TENM3: variants seen among roughly 807,000 people sequenced by gnomAD.
TENM3 encodes the protein teneurin transmembrane protein 3.
A neutral mutation model predicts 255.1 loss-of-function variants in TENM3; 63 were observed. The observed-to-expected ratio is 0.25, with a 90% CI of 0.20 to 0.30. The LOEUF is 0.30. Ranked by LOEUF, TENM3 falls within the 10% of genes least tolerant of loss-of-function variation. TENM3 has a pLI of 1.00. For synonymous variants in TENM3, 1,306 were observed against 1,322.3 expected (o/e 0.99, Z 0.27); for missense variants, 2,929 against 3,461.1 (o/e 0.85, Z 3.86).
At chr4:182,798,629 A>G (rs1205646447) in intron 27 of TENM3, among the ~76,000 whole-genome samples, 1 of 152,242 alleles carries the variant, frequency 6.6e-6, no homozygotes. Context: ...GCATTTGAAC[A>G]TGCACTTCCT....
intron 3 of TENM3, among the ~76,000 whole-genome samples, chr4:182,478,450 GT>G (rs571078952): frequency 1.3e-4 from 19 of 148,478 alleles, no homozygotes; most frequent in African/African-American, 2.7e-4. Flanking sequence ...CATATGTAGA[GT>G]TTTTTTTTTA....
the TENM3 span, among the ~76,000 whole-genome samples, chr4:181,644,075 C>CA: frequency 0.21 from 12,364 of 57,922 alleles, 1,033 homozygotes; most frequent in East Asian, 0.33. Flanking sequence ...GACTCCATCT[C>CA]AAAAAAAAAA....
chr4:181,618,822 A>C, the TENM3 span, among the ~76,000 whole-genome samples: 1 of 152,214 alleles, frequency 6.6e-6, no homozygotes, highest in African/African-American at 2.4e-5. Flanking sequence ...TCTGGAAAAT[A>C]GGGAGAAAAG....
At chr4:182,012,230 ATAGT>A in the TENM3 span, among the ~76,000 whole-genome samples, 1 of 152,174 alleles carries the variant, frequency 6.6e-6, no homozygotes, top group Non-Finnish European at 1.5e-5. Context: ...TCATCATTAG[ATAGT>A]TAGAACAATC....
the TENM3 span, among the ~76,000 whole-genome samples, chr4:181,800,736 A>C: frequency 6.6e-6 from 1 of 152,216 alleles, no homozygotes; most frequent in Non-Finnish European, 1.5e-5. Flanking sequence ...TGTAAAATGG[A>C]AATAATGGTA....
chr4:181,566,263 C>G, the TENM3 span, among the ~76,000 whole-genome samples: 1 of 152,146 alleles, frequency 6.6e-6, no homozygotes, highest in African/African-American at 2.4e-5. Context: ...AGAACACTTA[C>G]TAATATGCAA....
At chr4:182,522,152 G>A (rs1160143136) in intron 3 of TENM3, among the ~76,000 whole-genome samples, 2 of 152,148 alleles carry the variant, frequency 1.3e-5, no homozygotes, top group Non-Finnish European at 2.9e-5. Context: ...GGGATATCCA[G>A]CACCTTAAAC....
the TENM3 span, among the ~76,000 whole-genome samples, chr4:181,757,989 C>T: frequency 1.3e-5 from 2 of 152,124 alleles, no homozygotes; most frequent in African/African-American, 4.8e-5. Flanking sequence ...CCAGTGACAT[C>T]TCCCCTTCTC....
chr4:181,485,659 C>T, the TENM3 span, among the ~76,000 whole-genome samples: 4 of 152,048 alleles, frequency 2.6e-5, no homozygotes, highest in African/African-American at 7.2e-5. Flanking sequence ...ACATCATTAA[C>T]GTATGAAATT....
At chr4:182,375,358 G>A (rs185515927) in intron 3 of TENM3, among the ~76,000 whole-genome samples, 4 of 152,088 alleles carry the variant, frequency 2.6e-5, no homozygotes, top group African/African-American at 4.8e-5. Flanking sequence ...TTTCAACAGC[G>A]GAATGAACGA....
At chr4:182,122,574 G>A in the TENM3 span, among the ~76,000 whole-genome samples, 15 of 152,130 alleles carry the variant, frequency 9.9e-5, no homozygotes, top group Admixed American at 9.2e-4. Flanking sequence ...TGAGCAGTAG[G>A]TCTCAACGGT....
the TENM3 span, among the ~76,000 whole-genome samples, chr4:182,023,007 T>G: frequency 6.6e-6 from 1 of 152,220 alleles, no homozygotes; most frequent in African/African-American, 2.4e-5. Flanking sequence ...TCCACAGTGC[T>G]GTCAGCAGCA....
At chr4:181,621,190 C>T in the TENM3 span, among the ~76,000 whole-genome samples, 1 of 152,116 alleles carries the variant, frequency 6.6e-6, no homozygotes, top group African/African-American at 2.4e-5. Flanking sequence ...ACAAAAGACT[C>T]AAGAGTCCTT....
the TENM3 span, among the ~76,000 whole-genome samples, chr4:181,754,964 A>G: frequency 6.6e-6 from 1 of 152,110 alleles, no homozygotes; most frequent in Non-Finnish European, 1.5e-5. Context: ...GTGTTTTGTT[A>G]GATTTTGGAA....
At chr4:182,724,998 A>G (rs1165233148) in intron 13 of TENM3, among the ~76,000 whole-genome samples, 1 of 151,956 alleles carries the variant, frequency 6.6e-6, no homozygotes, top group Non-Finnish European at 1.5e-5. Context: ...ACATATAACT[A>G]TGAATTGGGA....
the TENM3 span, among the ~76,000 whole-genome samples, chr4:181,628,526 G>T: frequency 6.6e-6 from 1 of 152,146 alleles, no homozygotes; most frequent in Non-Finnish European, 1.5e-5. Flanking sequence ...TGTAAGGAAG[G>T]GATCCAGTTT....
the TENM3 span, among the ~76,000 whole-genome samples, chr4:181,618,629 A>C: frequency 6.6e-6 from 1 of 152,196 alleles, no homozygotes; most frequent in Admixed American, 6.5e-5. Context: ...TCATCCTACG[A>C]ATATTTTCAT....
chr4:181,646,967 A>T, the TENM3 span, among the ~76,000 whole-genome samples: 1 of 152,356 alleles, frequency 6.6e-6, no homozygotes, highest in Admixed American at 6.5e-5. Flanking sequence ...CAGGGGAAAT[A>T]ACTCATTATT....
In TENM3 at chr4:182,754,840, G is replaced by A; in HGVS notation, c.4473G>A (p.Gly1491=). The A allele has an allele frequency of 6.2e-7, 1 of 1,613,998 alleles. No individual in the cohort carries two copies. Among genetic ancestry groups the A allele is most frequent in the Non-Finnish European group, 8.5e-7 (1 of 1,179,890 alleles). ...GTACACTGTATATTGCAGATCTAGGGAATATCCGGATCCGGGCTGTGTCAA... is the reference window on the plus strand; with the variant it reads ...GTACACTGTATATTGCAGATCTAGGAAATATCCGGATCCGGGCTGTGTCAA... ...PDGTLYIADL[G]NIRIRAVSKN... The change falls in exon 22 of 28, where the codon GGG becomes GGA. Residue 1491 remains glycine (G), a synonymous_variant. Transcript: ENST00000511685. This position sits in a 1 kb window ranked among gnomAD's most constrained non-coding sequence, Gnocchi z 5.1.
Sources: gnomAD v4.1 joint callset for allele counts (sites outside exome capture counted in the v4.1 genomes callset) on GRCh38, gnomAD v4.1.1 for gene constraint, Gnocchi (gnomAD v3.1) non-coding constraint, MANE v1.5 for transcripts, NCBI Gene and HGNC (gene_info 2026-07-23, HGNC 2026-07-21) for gene names.